Variants in CTNNA2 observed in about 807,000 individuals in gnomAD.
CTNNA2 encodes the protein catenin alpha 2.
Under a neutral mutation model 101.0 loss-of-function variants are expected in CTNNA2, and 42 were observed. The observed-to-expected ratio is 0.42, with a 90% CI of 0.32 to 0.54. CTNNA2 has a LOEUF of 0.54. CTNNA2 is among the 20% of genes least tolerant of loss of function. The pLI, the probability that CTNNA2 is intolerant of heterozygous loss-of-function variation, is 0.14. For synonymous variants in CTNNA2, 450 were observed against 456.4 expected, an observed-to-expected ratio of 0.99 and a Z score of 0.18; for missense variants, 871 against 1,223.1, an observed-to-expected ratio of 0.71 and a Z score of 4.29.
chr2:80,446,713 G>A (rs1683104166), intron 9 of CTNNA2, among the ~76,000 whole-genome samples: 2 of 152,214 alleles, frequency 1.3e-5, no homozygotes, highest in African/African-American at 4.8e-5. Context: ...TCAACAAGTT[G>A]GGTTGTGAAC....
rs1413833768 is a variant in CTNNA2, at chr2:80,325,679, G to A, written c.1057-67532G>A. On this transcript the variant is annotated intron_variant, in intron 7 of 18. Transcript: ENST00000402739. ...GAAGATGGTTATGGCTGATTAATCA[G>A]GCCATTAGATACAGTTTTGCTGCAT... Among the ~76,000 whole-genome samples, 3 of 152,128 alleles carry A rather than the reference G, an allele frequency of 2.0e-5. No homozygotes were observed. The South Asian group carries it at 6.2e-4, about 32-fold the overall frequency.
At chr2:79,446,676 G>A (rs905788788) in intron 4 of CTNNA2, among the ~76,000 whole-genome samples, 1 of 152,030 alleles carries the variant, frequency 6.6e-6, no homozygotes, top group African/African-American at 2.4e-5. Context: ...CAATTCTCTA[G>A]GGATGAAAGC....
chr2:80,424,325 G>A (rs147543205), intron 9 of CTNNA2, among the ~76,000 whole-genome samples: 83 of 152,308 alleles, frequency 5.4e-4, no homozygotes, highest in African/African-American at 2.0e-3. Flanking sequence ...TGACTGGAAT[G>A]TGCCATGTTT....
chr2:80,390,112 G>T (rs1677371546), intron 7 of CTNNA2, among the ~76,000 whole-genome samples: 1 of 152,120 alleles, frequency 6.6e-6, no homozygotes, highest in Non-Finnish European at 1.5e-5. Context: ...GAACCACCTT[G>T]CCTTCTTGTC....
intron 7 of CTNNA2, among the ~76,000 whole-genome samples, chr2:80,229,277 A>G (rs1322585860): frequency 1.3e-5 from 2 of 152,184 alleles, no homozygotes; most frequent in African/African-American, 4.8e-5. Context: ...ACTGGTGACA[A>G]CATCAGATCC....
intron 2 of CTNNA2, among the ~76,000 whole-genome samples, chr2:79,232,888 G>T (rs889194066): frequency 1.3e-5 from 2 of 152,014 alleles, no homozygotes; most frequent in African/African-American, 2.4e-5. Flanking sequence ...TTGTAATGTT[G>T]TCTTTGTCAT....
chr2:79,748,346 G>C (rs1671781494), intron 3 of CTNNA2, among the ~76,000 whole-genome samples: 1 of 152,126 alleles, frequency 6.6e-6, no homozygotes, highest in African/African-American at 2.4e-5. Flanking sequence ...ATAGAAATCT[G>C]TTTTCCAATA....
intron 3 of CTNNA2, among the ~76,000 whole-genome samples, chr2:79,322,649 A>G (rs1001140133): frequency 1.1e-4 from 17 of 152,190 alleles, no homozygotes; most frequent in African/African-American, 4.1e-4. Context: ...ATCCACTTCT[A>G]TGACAATGTT....
chr2:79,227,606 G>C (rs1674436711), intron 2 of CTNNA2, among the ~76,000 whole-genome samples: 1 of 152,084 alleles, frequency 6.6e-6, no homozygotes, highest in Non-Finnish European at 1.5e-5. Flanking sequence ...TGGTTTCCCA[G>C]TGCATATAAA....
chr2:79,275,072 G>A (rs2104313133), intron 2 of CTNNA2, among the ~76,000 whole-genome samples: 1 of 152,166 alleles, frequency 6.6e-6, no homozygotes, highest in South Asian at 2.1e-4. Context: ...GCTCCAGTGG[G>A]ACTACCTGGA....
intron 7 of CTNNA2, among the ~76,000 whole-genome samples, chr2:80,174,627 C>T (rs928076077): frequency 1.3e-5 from 2 of 152,146 alleles, no homozygotes; most frequent in African/African-American, 4.8e-5. Flanking sequence ...ACAAAGACAC[C>T]CCAAACTCAA....
intron 2 of CTNNA2, among the ~76,000 whole-genome samples, chr2:79,719,331 G>T (rs1686324061): frequency 6.6e-6 from 1 of 152,132 alleles, no homozygotes; most frequent in South Asian, 2.1e-4. Context: ...CACCTAGGTT[G>T]ATTCCATGAT....
At chr2:79,917,333 G>T (rs1027001958) in intron 7 of CTNNA2, among the ~76,000 whole-genome samples, 9 of 152,110 alleles carry the variant, frequency 5.9e-5, no homozygotes, top group African/African-American at 2.4e-5. Flanking sequence ...CTCCCAAAGT[G>T]CTGGGATTAC....
chr2:80,564,515 T>C (rs969148997), intron 12 of CTNNA2, among the ~76,000 whole-genome samples: 1 of 151,982 alleles, frequency 6.6e-6, no homozygotes, highest in Non-Finnish European at 1.5e-5. Context: ...GAGAGTTTTT[T>C]TTTTTTTTTT....
intron 7 of CTNNA2, among the ~76,000 whole-genome samples, chr2:80,201,597 G>A (rs1345118693): frequency 3.3e-5 from 5 of 151,710 alleles, no homozygotes; most frequent in East Asian, 1.9e-4. Flanking sequence ...GGATGGTCTC[G>A]ATCTCCTGAC....
At chr2:80,524,195 A>G (rs1206470780) in intron 9 of CTNNA2, among the ~76,000 whole-genome samples, 1 of 152,076 alleles carries the variant, frequency 6.6e-6, no homozygotes, top group African/African-American at 2.4e-5. Flanking sequence ...GAACCTGACC[A>G]TTTAGGTGAT....
chr2:79,777,363 G>C (rs1252441636), intron 3 of CTNNA2, among the ~76,000 whole-genome samples: 1 of 127,144 alleles, frequency 7.9e-6, no homozygotes, highest in African/African-American at 3.9e-5. Flanking sequence ...GTGTGTGTGT[G>C]TGTGTGTGTG....
In CTNNA2 at chr2:79,217,006, T is replaced by A. The variant is rs572800283; in HGVS notation, c.-406+18930T>A. 7.9e-5 allele frequency among the ~76,000 whole-genome samples: 12 copies of A among 152,200 alleles called. No individual in the cohort carries two copies. In the East Asian group the frequency reaches 2.3e-3, roughly 30 times the overall value. On this transcript the variant is annotated intron_variant, in intron 2 of 21. Transcript: ENST00000466387. ...GACTGGTGCCTGAGTTTTGGGTCCA[T>A]GGATAAAACGTGTCTCCTTTGTCTC...
At chr2:79,959,533 A>T (rs150829807) in intron 7 of CTNNA2, among the ~76,000 whole-genome samples, 3 of 152,164 alleles carry the variant, frequency 2.0e-5, no homozygotes, top group African/African-American at 2.4e-5. Context: ...CCTTGCCTCT[A>T]TGTGAAAATG....
Sources: allele counts gnomAD v4.1 joint callset (sites outside exome capture counted in the v4.1 genomes callset), GRCh38; gene constraint gnomAD v4.1.1; transcripts MANE v1.5; gene names NCBI Gene and HGNC (gene_info 2026-07-23, HGNC 2026-07-21).